CLSTN2: variants seen among roughly 807,000 people sequenced by gnomAD.
CLSTN2 encodes the protein calsyntenin 2.
In CLSTN2, 48 loss-of-function variants were observed where a neutral mutation model predicts 101.2. That is an observed-to-expected ratio of 0.47 (90% CI 0.38 to 0.60). CLSTN2 has a LOEUF of 0.60. Among genes scored for constraint, CLSTN2 ranks in the 20% least tolerant of loss-of-function variants. The pLI, the probability that CLSTN2 is intolerant of heterozygous loss-of-function variation, is 0.00. For missense variants in CLSTN2, 1,160 were observed against 1,238.2 expected (o/e 0.94, Z 0.95); for synonymous variants, 481 against 463.6 (o/e 1.04, Z -0.48).
intron 1 of CLSTN2, among the ~76,000 whole-genome samples, chr3:139,943,237 T>C (rs1363445720): frequency 6.6e-6 from 1 of 152,208 alleles, no homozygotes; most frequent in East Asian, 1.9e-4. Context: ...TCCTCATGTC[T>C]GGTTGATCCT....
intron 1 of CLSTN2, among the ~76,000 whole-genome samples, chr3:139,973,022 G>T (rs955822522): frequency 1.3e-5 from 2 of 152,226 alleles, no homozygotes; most frequent in Non-Finnish European, 2.9e-5. Context: ...TGGATGAAAT[G>T]TTGGATAATC....
At chr3:140,117,381 A>G (rs2009262634) in intron 1 of CLSTN2, among the ~76,000 whole-genome samples, 1 of 152,136 alleles carries the variant, frequency 6.6e-6, no homozygotes, top group Admixed American at 6.5e-5. Context: ...CTGCTCCACC[A>G]CAGAACTTCC....
At chr3:140,006,051 A>G (rs2006946686) in intron 1 of CLSTN2, among the ~76,000 whole-genome samples, 1 of 152,220 alleles carries the variant, frequency 6.6e-6, no homozygotes, top group Admixed American at 6.5e-5. Context: ...TTCAGAAACC[A>G]GAGTTGACAT....
At chr3:140,319,786 T>C (rs1559837906) in intron 2 of CLSTN2, among the ~76,000 whole-genome samples, 1 of 152,258 alleles carries the variant, frequency 6.6e-6, no homozygotes, top group Non-Finnish European at 1.5e-5. Context: ...AATTTCTTTC[T>C]GTCTCTGCTC....
rs116044642 is a variant in CLSTN2, at chr3:140,061,029, G to A, written c.110-114922G>A. 8.8e-3 allele frequency among the ~76,000 whole-genome samples: 1,335 copies of A among 152,244 alleles called. 10 individuals carry two copies. Among genetic ancestry groups the A allele is most frequent in the Non-Finnish European group, 0.014 (985 of 68,032 alleles). On this transcript the variant is annotated intron_variant, in intron 1 of 16. Transcript: ENST00000458420. ...GCAGAGGGAAGCCCTGAGCAGAGGG[G>A]CATAAGAGAAGATATTACTTACTCA...
At chr3:140,498,707 AT>A (rs1486418228) in intron 8 of CLSTN2, among the ~76,000 whole-genome samples, 1 of 152,172 alleles carries the variant, frequency 6.6e-6, no homozygotes, top group Admixed American at 6.5e-5. Context: ...CTTCTCTTTT[AT>A]CCCCTGGAGT....
At chr3:140,379,813 A>G (rs4683828) in intron 2 of CLSTN2, among the ~76,000 whole-genome samples, 145,266 of 152,140 alleles carry the variant, frequency 0.95, 69,702 homozygotes, top group East Asian at 1. Context: ...TGAAATGAAG[A>G]TGCAGGGTAC....
At chr3:140,210,914 C>T (rs935136235) in intron 2 of CLSTN2, among the ~76,000 whole-genome samples, 1 of 152,182 alleles carries the variant, frequency 6.6e-6, no homozygotes, top group African/African-American at 2.4e-5. Context: ...TCCTAGGAAG[C>T]TTTGGGTCTT....
At chr3:140,365,442 A>G (rs938972271) in intron 2 of CLSTN2, among the ~76,000 whole-genome samples, 10 of 152,172 alleles carry the variant, frequency 6.6e-5, no homozygotes, top group African/African-American at 2.2e-4. Flanking sequence ...TCAAAATGCA[A>G]TGTGACTTAC....
At chr3:140,008,769 G>A (rs1464726971) in intron 1 of CLSTN2, among the ~76,000 whole-genome samples, 1 of 152,206 alleles carries the variant, frequency 6.6e-6, no homozygotes, top group East Asian at 1.9e-4. Context: ...CCCAGCACAT[G>A]TTTCCAGTGA....
At chr3:140,291,480 T>G (rs528643923) in intron 2 of CLSTN2, among the ~76,000 whole-genome samples, 1 of 152,044 alleles carries the variant, frequency 6.6e-6, no homozygotes, top group Non-Finnish European at 1.5e-5. Flanking sequence ...TCTCCTGCAT[T>G]CTGTGATTCC....
intron 1 of CLSTN2, among the ~76,000 whole-genome samples, chr3:140,113,933 T>C (rs1426613047): frequency 6.6e-6 from 1 of 152,192 alleles, no homozygotes; most frequent in Non-Finnish European, 1.5e-5. Flanking sequence ...TATTCATAAT[T>C]GCGGGAAAGC....
At chr3:140,344,367 C>T (rs1335676389) in intron 2 of CLSTN2, among the ~76,000 whole-genome samples, 1 of 152,214 alleles carries the variant, frequency 6.6e-6, no homozygotes, top group African/African-American at 2.4e-5. Context: ...CACGTCATGT[C>T]CGTGAACATG....
At chr3:140,205,968 A>C (rs1198564774) in intron 2 of CLSTN2, among the ~76,000 whole-genome samples, 2 of 152,092 alleles carry the variant, frequency 1.3e-5, no homozygotes, top group Non-Finnish European at 2.9e-5. Context: ...CTCTATTCCC[A>C]AAAAGCACAG....
chr3:140,223,933 G>C (rs1261863878), intron 2 of CLSTN2, among the ~76,000 whole-genome samples: 2 of 152,164 alleles, frequency 1.3e-5, no homozygotes, highest in African/African-American at 4.8e-5. Context: ...ACAGGAGTGT[G>C]TGCCGTCCTC....
At chr3:140,062,217 T>C (rs1055559603) in intron 1 of CLSTN2, among the ~76,000 whole-genome samples, 5 of 152,112 alleles carry the variant, frequency 3.3e-5, no homozygotes, top group African/African-American at 1.2e-4. Context: ...TCCCTAAACA[T>C]GTGAACATCC....
At chr3:140,540,591 A>T (rs542745875) in intron 9 of CLSTN2, among the ~76,000 whole-genome samples, 1 of 152,250 alleles carries the variant, frequency 6.6e-6, no homozygotes, top group East Asian at 1.9e-4. Flanking sequence ...ATCAAGGGGC[A>T]TCCCCAGGAA....
intron 1 of CLSTN2, among the ~76,000 whole-genome samples, chr3:139,978,704 T>C (rs1935864611): frequency 8.1e-6 from 1 of 123,024 alleles, no homozygotes; most frequent in African/African-American, 3.1e-5. Flanking sequence ...GTGTGTGTGT[T>C]GTGTGGAAGG....
intron 2 of CLSTN2, among the ~76,000 whole-genome samples, chr3:140,245,422 G>C (rs905486429): frequency 6.6e-6 from 1 of 152,158 alleles, no homozygotes; most frequent in South Asian, 2.1e-4. Flanking sequence ...ACTTGAAAGA[G>C]AGACAGATAA....
Sources: allele counts gnomAD v4.1 joint callset (sites outside exome capture counted in the v4.1 genomes callset), GRCh38; gene constraint gnomAD v4.1.1; transcripts MANE v1.5; gene names NCBI Gene and HGNC (gene_info 2026-07-23, HGNC 2026-07-21).